The following PSMA5 variants were observed in gnomAD, a reference collection of about 807,000 sequenced individuals.
PSMA5 encodes proteasome subunit alpha type-5.
A neutral mutation model predicts 34.5 loss-of-function variants in PSMA5; 3 were observed. The ratio of observed to expected loss-of-function variants is 0.09; its 90% CI spans 0.04 to 0.22. The LOEUF is 0.22. PSMA5 is among the 10% of genes least tolerant of loss of function. The pLI, the probability that PSMA5 is intolerant of heterozygous loss-of-function variation, is 1.00. For missense variants in PSMA5, 120 were observed against 286.1 expected, an observed-to-expected ratio of 0.42 and a Z score of 4.19; for synonymous variants, 88 against 95.8, an observed-to-expected ratio of 0.92 and a Z score of 0.47.
At chr1:109,417,540 G>T (rs903557133) in intron 2 of PSMA5, among the ~76,000 whole-genome samples, 2 of 152,166 alleles carry the variant, frequency 1.3e-5, no homozygotes, top group Admixed American at 1.3e-4. Context: ...GAAGACTCCA[G>T]GCTTATTCTC....
chr1:109,417,865 G>GA (rs1557843890), intron 2 of PSMA5, among the ~76,000 whole-genome samples: 1 of 151,882 alleles, frequency 6.6e-6, no homozygotes, highest in Non-Finnish European at 1.5e-5. Flanking sequence ...AAAATTTCAG[G>GA]AAAAAAACCA....
chr1:109,407,646 A>G (rs571045436), intron 8 of PSMA5, among the ~76,000 whole-genome samples: 1 of 152,054 alleles, frequency 6.6e-6, no homozygotes, highest in South Asian at 2.1e-4. Flanking sequence ...AATTTTATTT[A>G]TTTATTTTTT....
chr1:109,411,836 C>A (rs1255293266), intron 6 of PSMA5, 41 bp downstream of exon 6: 4 of 1,557,590 alleles, frequency 2.6e-6, no homozygotes, highest in Non-Finnish European at 3.5e-6. Context: ...TAAAATAATT[C>A]CCTGCAAAAG....
At chr1:109,426,158 G>A (rs561016668) in intron 1 of PSMA5, 144 bp downstream of exon 1, 46 of 1,071,168 alleles carry the variant, frequency 4.3e-5, no homozygotes, top group Non-Finnish European at 5.9e-5. Context: ...GACGGCGGGC[G>A]CCTGAGGAGG....
rs1490281651 is a variant in PSMA5, at chr1:109,426,435, A to G, written c.-105T>C. The G allele has an allele frequency of 7.0e-7, 1 of 1,429,342 alleles. No individual in the cohort carries two copies. The highest frequency in any genetic ancestry group is 2.3e-5 in the East Asian group (1 of 44,012). The allele number at this position is 1,429,342 out of a possible 1,614,324, so 88.5% of individuals were successfully genotyped here. A position where few individuals can be genotyped will look rare whatever the true frequency, so the allele number is the denominator to read the frequency against. On this transcript the variant is annotated 5_prime_UTR_variant, in exon 1 of 9. Coordinates refer to ENST00000271308, the MANE Select transcript of PSMA5 (RefSeq NM_002790.4). ...GCCAACTCACCCACACGGCCGCAGT[A>G]CTAAGGACCAACTGCGCGTGCGACC...
intron 3 of PSMA5, among the ~76,000 whole-genome samples, chr1:109,414,065 A>C (rs1275527764): frequency 2.0e-5 from 3 of 152,244 alleles, no homozygotes; most frequent in Admixed American, 6.5e-5. Flanking sequence ...GAAGCCCTTC[A>C]GTGTGGTAAA....
rs1653407650 is a variant in PSMA5, at chr1:109,399,453, G to GA, written c.*2559dup. 1.3e-5 allele frequency: 2 copies of GA among 151,822 alleles called. No individual in the cohort carries two copies. Among genetic ancestry groups the GA allele is most frequent in the Non-Finnish European group, 2.9e-5 (2 of 68,038 alleles). 9.4% of individuals were successfully genotyped at this position (151,822 alleles called of 1,614,324 possible). A position where few individuals can be genotyped will look rare whatever the true frequency, so the allele number is the denominator to read the frequency against. ...CCAGTAGCATGTGATTAGGTGGGGGGAGGAAAGGGGGTTATAAAGGAATAT... is the reference window on the plus strand; with the variant it reads ...CCAGTAGCATGTGATTAGGTGGGGGGAAGGAAAGGGGGTTATAAAGGAATAT... On this transcript the variant is annotated 3_prime_UTR_variant, in exon 9 of 9. Transcript: ENST00000271308.
intron 8 of PSMA5, among the ~76,000 whole-genome samples, chr1:109,408,234 T>C (rs970531688): frequency 6.6e-6 from 1 of 152,186 alleles, no homozygotes; most frequent in African/African-American, 2.4e-5. Context: ...CACCATCTTA[T>C]ATACATCCCA....
chr1:109,415,446 C>T, intron 2 of PSMA5, 83 bp from the exon 3 acceptor site: 1 of 1,417,210 alleles, frequency 7.1e-7, no homozygotes, highest in Non-Finnish European at 9.4e-7. Context: ...TGTAAATCTT[C>T]ACATGATAGA....
At chr1:109,405,524 G>A (rs544856169) in intron 8 of PSMA5, among the ~76,000 whole-genome samples, 2 of 126,414 alleles carry the variant, frequency 1.6e-5, no homozygotes, top group East Asian at 2.6e-4. Flanking sequence ...TGCAACCTCC[G>A]CCTCCTGGGT....
At position 109,415,291 on chromosome 1, in the gene PSMA5, G is replaced by A. The variant is rs1654145343; in HGVS notation, c.169C>T (p.Pro57Ser). The A allele has an allele frequency of 6.2e-7, 1 of 1,613,924 alleles. No individual in the cohort carries two copies. Among genetic ancestry groups the A allele is most frequent in the East Asian group, 2.2e-5 (1 of 44,880 alleles). ...CLAVEKRITS[P>S]LMEPSSIEKI... is the part of the protein sequence containing the mutation. ...TCAATGCTGCTGGGCTCCATCAGTG[G>A]GGAAGTAATTCTCTTCTCCACAGCT... Residue 57 changes from proline (P) to serine (S), a missense_variant, in exon 3 of 9, where the codon CCA (proline) becomes TCA (serine). Physicochemically the swap from Pro to Ser is moderately conservative, Grantham distance 74. Around this residue, in one of 3 missense-constraint regions of PSMA5, gnomAD observed 20 missense variants for 19.4 expected, o/e 1.03. Transcript: ENST00000271308.
rs1654066521 is a variant in PSMA5, at chr1:109,413,250, T to A, written c.224-115A>T. The A allele has an allele frequency of 2.2e-5, 19 of 868,312 alleles. No homozygotes were observed. The South Asian group carries it at 2.6e-4, about 12-fold the overall frequency. The allele number at this position is 868,312 out of a possible 1,614,324, so 53.8% of individuals were successfully genotyped here. A position where few individuals can be genotyped will look rare whatever the true frequency, so the allele number is the denominator to read the frequency against. Reference sequence around the variant, plus strand: ...CCACGGCAGCCATTCAGCTATCCCATGGCATTTTATACCCAAAAGATTAGA... The same window carrying A: ...CCACGGCAGCCATTCAGCTATCCCAAGGCATTTTATACCCAAAAGATTAGA... On this transcript the variant is annotated intron_variant, in intron 3 of 8. Transcript: ENST00000271308.
chr1:109,411,772 G>C (rs1026170946), intron 6 of PSMA5, 105 bp downstream of exon 6: 1 of 1,126,556 alleles, frequency 8.9e-7, no homozygotes, highest in African/African-American at 1.5e-5. Context: ...CTACAGGTGT[G>C]TGCTAATACC....
chr1:109,411,059 G>C lies in PSMA5; in HGVS notation c.513C>G (p.Gly171=). Residue 171 remains glycine, a synonymous_variant, in exon 7 of 9, where the codon GGC becomes GGG. Transcript: ENST00000271308. The part of the protein sequence containing the change: ...TFVQCDARAI[G]SASEGAQSSL... ...AGCTCTGGGCACCCTCTGAAGCAGAGCCAATTGCTCGAGCATCACACTGTA... is the reference window on the plus strand; with the variant it reads ...AGCTCTGGGCACCCTCTGAAGCAGACCCAATTGCTCGAGCATCACACTGTA... The C allele has an allele frequency of 6.2e-7, 1 of 1,613,764 alleles. No homozygotes were observed. The highest frequency in any genetic ancestry group is 8.5e-7 in the Non-Finnish European group (1 of 1,179,856).
At chr1:109,422,535 C>T (rs1426613343) in intron 1 of PSMA5, among the ~76,000 whole-genome samples, 3 of 147,564 alleles carry the variant, frequency 2.0e-5, no homozygotes, top group Non-Finnish European at 4.4e-5. Flanking sequence ...CAGGCGGGTG[C>T]GATCTCAGCT....
intron 8 of PSMA5, among the ~76,000 whole-genome samples, chr1:109,403,574 G>A (rs1355084064): frequency 6.6e-6 from 1 of 152,020 alleles, no homozygotes; most frequent in African/African-American, 2.4e-5. Context: ...TGGCTGCAGT[G>A]AGTTGTGATC....
intron 1 of PSMA5, 94 bp downstream of exon 1, chr1:109,426,208 G>A: frequency 6.5e-7 from 1 of 1,531,688 alleles, no homozygotes; most frequent in Non-Finnish European, 9.0e-7. Context: ...GGGTTCCTGG[G>A]GAGCCCCATG....
Position 109,419,818 on chromosome 1 carries a change from A to AC in PSMA5, c.96+2041_96+2042insG, listed in dbSNP as rs1478588454. On this transcript the variant is annotated intron_variant, in intron 2 of 8. Coordinates refer to ENST00000271308, the MANE Select transcript of PSMA5 (RefSeq NM_002790.4). Reference sequence around the variant, plus strand: ...CGTCTCAAAAAAAAAAAAAAAAAAAAAAAAAACAAGCCGCGCATGGTTGTG... The same window carrying AC: ...CGTCTCAAAAAAAAAAAAAAAAAAAACAAAAAACAAGCCGCGCATGGTTGTG... 2.0e-3 allele frequency among the ~76,000 whole-genome samples: 280 copies of AC among 143,542 alleles called. 3 individuals are homozygous for AC. The highest frequency in any genetic ancestry group is 7.2e-3 in the Middle Eastern group (2 of 278). The allele number at this position is 143,542 out of a possible 152,430, so 94.2% of individuals were successfully genotyped here.
chr1:109,407,080 C>A (rs1025479750), intron 8 of PSMA5, among the ~76,000 whole-genome samples: 3 of 152,122 alleles, frequency 2.0e-5, no homozygotes, highest in African/African-American at 7.2e-5. Context: ...CTCCGCCTCA[C>A]GGGTTCACAC....
Sources: gnomAD v4.1 joint callset for allele counts (sites outside exome capture counted in the v4.1 genomes callset) on GRCh38, gnomAD v4.1.1 for gene constraint, gnomAD v4.1.1 regional missense constraint, MANE v1.5 for transcripts, NCBI Gene and HGNC (gene_info 2026-07-23, HGNC 2026-07-21) for gene names.